The following JAZF1 variants were observed in gnomAD, a reference collection of about 807,000 sequenced individuals.
JAZF1 encodes juxtaposed with another zinc finger protein 1.
A neutral mutation model predicts 26.4 loss-of-function variants in JAZF1; 8 were observed. The observed-to-expected ratio is 0.30, with a 90% confidence interval of 0.18 to 0.55. JAZF1 has a LOEUF of 0.55. Among genes scored for constraint, JAZF1 ranks in the 20% least tolerant of loss-of-function variants. JAZF1 has a pLI of 0.94. For synonymous variants in JAZF1, 126 were observed against 122.3 expected (o/e 1.03, Z -0.20); for missense variants, 199 against 322.0 (o/e 0.62, Z 2.92).
chr7:28,152,285 C>T (rs140004699), intron 1 of JAZF1, among the ~76,000 whole-genome samples: 2 of 152,304 alleles, frequency 1.3e-5, no homozygotes, highest in African/African-American at 2.4e-5. Context: ...TATTTGGCTA[C>T]ATCTCTTCAA....
In JAZF1 at chr7:28,116,246, G is replaced by C. The variant is rs112288840; in HGVS notation, c.115+64217C>G. Among the ~76,000 whole-genome samples the C allele has an allele frequency of 2.6e-4, 40 of 152,246 alleles. 1 individual carries two copies. Among genetic ancestry groups the C allele is most frequent in the African/African-American group, 9.4e-4 (39 of 41,536 alleles). On this transcript the variant is annotated intron_variant, in intron 1 of 4. Coordinates refer to ENST00000283928, the MANE Select transcript of JAZF1 (RefSeq NM_175061.4). ...ACTGGCCGAACTGGCCTTCATGAGGGTTATGCCATTCTGTACTCTCAGAAG... is the reference window on the plus strand; with the variant it reads ...ACTGGCCGAACTGGCCTTCATGAGGCTTATGCCATTCTGTACTCTCAGAAG...
intron 2 of JAZF1, among the ~76,000 whole-genome samples, chr7:27,927,575 G>T (rs958066575): frequency 2.0e-5 from 3 of 152,110 alleles, no homozygotes; most frequent in Non-Finnish European, 4.4e-5. Context: ...AACAAGTAGT[G>T]AGATTTTAAT....
chr7:27,831,489 T>TC lies in JAZF1; in HGVS notation c.*1310dup, dbSNP rs1473055565. 1 of 229,286 alleles carries TC rather than the reference T, an allele frequency of 4.4e-6. No individual in the cohort carries two copies. The highest frequency in any genetic ancestry group is 8.7e-6 in the Non-Finnish European group (1 of 115,316). The allele number at this position is 229,286 out of a possible 1,614,324, so 14.2% of individuals were successfully genotyped here. ...GAACACTCAAGGCATGATGGTACTGTCGGTGAGGAAAAACTTAAGGAATGG... is the reference window on the plus strand; with the variant it reads ...GAACACTCAAGGCATGATGGTACTGTCCGGTGAGGAAAAACTTAAGGAATGG... On this transcript the variant is annotated 3_prime_UTR_variant, in exon 5 of 5. Coordinates refer to ENST00000283928, the MANE Select transcript of JAZF1 (RefSeq NM_175061.4).
chr7:28,042,681 C>T (rs1370198627), intron 1 of JAZF1, among the ~76,000 whole-genome samples: 3 of 151,984 alleles, frequency 2.0e-5, no homozygotes, highest in Non-Finnish European at 4.4e-5. Context: ...GATGGTGGTC[C>T]CATAAGGTTG....
intron 1 of JAZF1, among the ~76,000 whole-genome samples, chr7:28,090,981 C>G (rs562516933): frequency 6.6e-6 from 1 of 150,972 alleles, no homozygotes; most frequent in African/African-American, 2.4e-5. Flanking sequence ...CGCCCGCCAC[C>G]GCGCCCGGCT....
Position 28,128,783 on chromosome 7 carries a change from T to C in JAZF1, c.115+51680A>G, listed in dbSNP as rs533944367. 2.6e-5 allele frequency among the ~76,000 whole-genome samples: 4 copies of C among 152,294 alleles called. No homozygotes were observed. The East Asian group carries it at 7.7e-4, about 29-fold the overall frequency. On this transcript the variant is annotated intron_variant, in intron 1 of 4. Transcript: ENST00000283928. ...ATTTCAATCAACAGGAAACCAAGGA[T>C]AGCTGCACTGTACCTCCTGCATGAT...
chr7:27,943,612 G>C (rs1369357445), intron 2 of JAZF1, among the ~76,000 whole-genome samples: 2 of 152,186 alleles, frequency 1.3e-5, no homozygotes, highest in African/African-American at 4.8e-5. Flanking sequence ...TGCCACGAGG[G>C]TGTAAATCAA....
chr7:28,085,256 C>T (rs1784196672), intron 1 of JAZF1, among the ~76,000 whole-genome samples: 1 of 152,062 alleles, frequency 6.6e-6, no homozygotes, highest in Non-Finnish European at 1.5e-5. Context: ...GGCATAAAAT[C>T]CCAAAGACAT....
rs192517435 is a variant in JAZF1 at position 27,864,249 on chromosome 7, A to C, written c.386-23382T>G. 4.7e-4 allele frequency among the ~76,000 whole-genome samples: 72 copies of C among 152,148 alleles called. No homozygotes were observed. The East Asian group carries it at 0.013, about 27-fold the overall frequency. On this transcript the variant is annotated intron_variant, in intron 3 of 4. Coordinates refer to ENST00000283928, the MANE Select transcript of JAZF1 (RefSeq NM_175061.4). ...TTGAGGTCAAGATCAAAGCTATTCA[A>C]ATCAACATCTTCTAAAAACTGGAAA...
At chr7:28,026,414 T>C (rs994302793) in intron 1 of JAZF1, among the ~76,000 whole-genome samples, 14 of 152,304 alleles carry the variant, frequency 9.2e-5, no homozygotes, top group Middle Eastern at 3.4e-3. Flanking sequence ...GCTCTGAGCC[T>C]TTTGTGCACC....
intron 1 of JAZF1, among the ~76,000 whole-genome samples, chr7:28,106,654 T>C (rs944615465): frequency 2.0e-5 from 3 of 152,180 alleles, no homozygotes; most frequent in African/African-American, 7.2e-5. Flanking sequence ...ATGCAGTGAA[T>C]AAAAGCTATG....
At chr7:28,054,981 C>T (rs1783679471) in intron 1 of JAZF1, among the ~76,000 whole-genome samples, 1 of 151,986 alleles carries the variant, frequency 6.6e-6, no homozygotes, top group African/African-American at 2.4e-5. Context: ...TGCTCTATCT[C>T]GATCTGGATG....
At chr7:28,054,207 A>G (rs190942442) in intron 1 of JAZF1, among the ~76,000 whole-genome samples, 92 of 152,326 alleles carry the variant, frequency 6.0e-4, no homozygotes, top group African/African-American at 2.1e-3. Flanking sequence ...TTCTTGCTCA[A>G]TCAATACCAT....
intron 1 of JAZF1, among the ~76,000 whole-genome samples, chr7:28,135,290 C>T (rs532400913): frequency 5.2e-4 from 79 of 152,324 alleles, no homozygotes; most frequent in African/African-American, 1.9e-3. Flanking sequence ...TGATACCTAA[C>T]AAGCAGGCTG....
intron 1 of JAZF1, among the ~76,000 whole-genome samples, chr7:28,175,662 A>C (rs1783539391): frequency 2.6e-5 from 4 of 152,174 alleles, no homozygotes; most frequent in Non-Finnish European, 2.9e-5. Context: ...TCTCGAGTTC[A>C]GTTACTTTCT....
At chr7:27,890,006 T>C (rs1783942325) in intron 3 of JAZF1, among the ~76,000 whole-genome samples, 1 of 152,218 alleles carries the variant, frequency 6.6e-6, no homozygotes, top group East Asian at 1.9e-4. Flanking sequence ...AACAAGATAA[T>C]TGTGGTTAGT....
At chr7:28,122,929 T>C (rs541904337) in intron 1 of JAZF1, among the ~76,000 whole-genome samples, 4 of 152,320 alleles carry the variant, frequency 2.6e-5, no homozygotes, top group Admixed American at 2.6e-4. Context: ...CATTATTTCC[T>C]GAACACACCA....
At chr7:28,067,185 G>A (rs991341099) in intron 1 of JAZF1, among the ~76,000 whole-genome samples, 1 of 152,186 alleles carries the variant, frequency 6.6e-6, no homozygotes, top group African/African-American at 2.4e-5. Flanking sequence ...CACAGCACAT[G>A]GAGATAGGAA....
chr7:27,973,946 G>A (rs1785422612), intron 2 of JAZF1, among the ~76,000 whole-genome samples: 3 of 152,128 alleles, frequency 2.0e-5, no homozygotes, highest in Non-Finnish European at 4.4e-5. Flanking sequence ...CAAGAGCAGG[G>A]GAAGCATTCA....
Sources: gnomAD v4.1 joint callset for allele counts (sites outside exome capture counted in the v4.1 genomes callset) on GRCh38, gnomAD v4.1.1 for gene constraint, MANE v1.5 for transcripts, NCBI Gene and HGNC (gene_info 2026-07-23, HGNC 2026-07-21) for gene names.